The following PTPRD variants were observed in gnomAD, a reference collection of about 807,000 sequenced individuals.
PTPRD encodes protein tyrosine phosphatase receptor type D.
A neutral mutation model predicts 214.5 loss-of-function variants in PTPRD; 34 were observed. The observed-to-expected ratio is 0.16, with a 90% confidence interval of 0.12 to 0.21. The LOEUF (loss-of-function observed/expected upper bound fraction) is 0.21. Ranked by LOEUF, PTPRD falls within the 10% of genes least tolerant of loss-of-function variation. The pLI is 1.00. For missense variants in PTPRD, 2,545 were observed against 2,398.7 expected (o/e 1.06, Z -1.27); for synonymous variants, 1,128 against 845.7 (o/e 1.33, Z -5.79).
intron 5 of PTPRD, among the ~76,000 whole-genome samples, chr9:9,802,163 G>T (rs765494880): frequency 6.6e-6 from 1 of 151,900 alleles, no homozygotes; most frequent in Non-Finnish European, 1.5e-5. Context: ...CCAGGTGTGA[G>T]GTCCAATATG....
chr9:10,009,526 C>G (rs1237190053), intron 4 of PTPRD, among the ~76,000 whole-genome samples: 3 of 151,874 alleles, frequency 2.0e-5, no homozygotes, highest in African/African-American at 7.3e-5. Context: ...AAAGGAGTGT[C>G]TGGTTTAAGA....
At chr9:9,193,574 C>T (rs1410722624) in intron 9 of PTPRD, among the ~76,000 whole-genome samples, 1 of 152,156 alleles carries the variant, frequency 6.6e-6, no homozygotes, top group African/African-American at 2.4e-5. Flanking sequence ...AGGCTACACG[C>T]CTACACATCA....
At chr9:9,035,235 TAATTCCTCCTGCTTAA>T (rs1455905919) in intron 10 of PTPRD, among the ~76,000 whole-genome samples, 3 of 152,148 alleles carry the variant, frequency 2.0e-5, no homozygotes, top group Admixed American at 2.0e-4. Flanking sequence ...ACAGGAGGCT[TAATTCCTCCTGCTTAA>T]AATAAGAGCT....
intron 12 of PTPRD, among the ~76,000 whole-genome samples, chr9:8,702,843 G>A (rs1397898881): frequency 6.6e-6 from 1 of 152,200 alleles, no homozygotes; most frequent in Non-Finnish European, 1.5e-5. Flanking sequence ...TCCTGATCTT[G>A]TGATTCGCCC....
At chr9:10,192,774 G>C (rs1484715032) in intron 3 of PTPRD, among the ~76,000 whole-genome samples, 1 of 152,082 alleles carries the variant, frequency 6.6e-6, no homozygotes, top group Non-Finnish European at 1.5e-5. Flanking sequence ...GATCTCAGTA[G>C]ACAAAAATAA....
chr9:9,760,685 G>A (rs548744893), intron 6 of PTPRD, among the ~76,000 whole-genome samples: 210 of 148,540 alleles, frequency 1.4e-3, no homozygotes, highest in Non-Finnish European at 1.7e-3. Flanking sequence ...CTGTTCATAC[G>A]TGTACTCAAA....
intron 8 of PTPRD, among the ~76,000 whole-genome samples, chr9:9,541,230 G>C (rs989607794): frequency 2.3e-4 from 35 of 151,842 alleles, no homozygotes; most frequent in African/African-American, 8.4e-4. Flanking sequence ...GCCTTGAAAA[G>C]CACTTTTAAA....
At chr9:8,488,527 T>C (rs892385086) in intron 27 of PTPRD, among the ~76,000 whole-genome samples, 3 of 152,238 alleles carry the variant, frequency 2.0e-5, no homozygotes, top group Admixed American at 6.5e-5. Flanking sequence ...AACCACATCA[T>C]TGTGTACTCA....
chr9:8,670,229 G>A (rs1250367740), intron 12 of PTPRD, among the ~76,000 whole-genome samples: 2 of 152,074 alleles, frequency 1.3e-5, no homozygotes, highest in Non-Finnish European at 2.9e-5. Flanking sequence ...TAGGCATTAT[G>A]TGGTACATTA....
chr9:8,469,179 C>G (rs2096604888), intron 31 of PTPRD, among the ~76,000 whole-genome samples: 1 of 151,860 alleles, frequency 6.6e-6, no homozygotes. Flanking sequence ...CAGCGGAGAC[C>G]CACAGAATTT....
chr9:9,091,340 C>T (rs919633295), intron 10 of PTPRD: 3 of 776,326 alleles, frequency 3.9e-6, no homozygotes, highest in African/African-American at 3.4e-5. Flanking sequence ...TAAATAGCTG[C>T]GTATTTTTCT....
intron 5 of PTPRD, among the ~76,000 whole-genome samples, chr9:9,818,915 C>CA (rs58616042): frequency 0.04 from 3,528 of 88,884 alleles, 79 homozygotes; most frequent in African/African-American, 0.046. Context: ...GACACTGTCT[C>CA]AAAAAAAAAA....
At chr9:9,438,273 C>G (rs2086128121) in intron 8 of PTPRD, among the ~76,000 whole-genome samples, 1 of 152,142 alleles carries the variant, frequency 6.6e-6, no homozygotes, top group Admixed American at 6.6e-5. Flanking sequence ...GTGCCTACAG[C>G]AAAAGACTAC....
At chr9:10,102,663 C>A (rs1157140522) in intron 3 of PTPRD, among the ~76,000 whole-genome samples, 1 of 151,550 alleles carries the variant, frequency 6.6e-6, no homozygotes, top group African/African-American at 2.4e-5. Context: ...AGATATTTCT[C>A]CTGAGGTGAT....
chr9:10,387,086 C>T (rs74352128), intron 2 of PTPRD, among the ~76,000 whole-genome samples: 17 of 151,806 alleles, frequency 1.1e-4, no homozygotes, highest in African/African-American at 3.4e-4. Context: ...AAAGATTGTT[C>T]GCAAGAATCT....
At chr9:10,232,066 C>A (rs2099613406) in intron 3 of PTPRD, among the ~76,000 whole-genome samples, 1 of 147,862 alleles carries the variant, frequency 6.8e-6, no homozygotes, top group African/African-American at 2.5e-5. Context: ...GGTTCCTCCT[C>A]CTGTCTGGTC....
intron 11 of PTPRD, among the ~76,000 whole-genome samples, chr9:8,807,236 C>T (rs1205957395): frequency 6.6e-6 from 1 of 152,086 alleles, no homozygotes; most frequent in Non-Finnish European, 1.5e-5. Context: ...ACTTGTGAGG[C>T]TGAGGCAGGA....
chr9:8,733,564 T>C (rs975960795), intron 12 of PTPRD, among the ~76,000 whole-genome samples: 1 of 152,120 alleles, frequency 6.6e-6, no homozygotes, highest in Non-Finnish European at 1.5e-5. Flanking sequence ...AGCAGTTAGA[T>C]GCACAAGAAA....
rs1221923563 is a variant in PTPRD at position 8,330,029 on chromosome 9, T to G, written c.5534+1553A>C. On this transcript the variant is annotated intron_variant, in intron 44 of 45. Transcript: ENST00000381196. The stretch of plus-strand genomic sequence containing the variant: ...CCAGGCACTGGAGGGAATCTCCTGG[T>G]TTACCAGTTGTGAAGACTGCGGGAG... Among the ~76,000 whole-genome samples the G allele has an allele frequency of 2.0e-5, 3 of 151,994 alleles. No individual in the cohort carries two copies. The East Asian group carries it at 5.8e-4, about 29-fold the overall frequency.
Sources: allele counts gnomAD v4.1 joint callset (sites outside exome capture counted in the v4.1 genomes callset), GRCh38; gene constraint gnomAD v4.1.1; transcripts MANE v1.5; gene names NCBI Gene and HGNC (gene_info 2026-07-23, HGNC 2026-07-21).